Variants in SUMF1 observed in about 807,000 individuals in gnomAD.
SUMF1 encodes the protein sulfatase modifying factor 1.
In SUMF1, 48 loss-of-function variants were observed where a neutral mutation model predicts 47.6. That is an observed-to-expected ratio of 1.01 (90% confidence interval 0.80 to 1.28). The LOEUF is 1.28. Among genes scored for constraint, SUMF1 ranks in the 50% most tolerant of loss-of-function variants. The pLI is 0.00. For missense variants in SUMF1, 571 were observed against 485.4 expected, an observed-to-expected ratio of 1.18 and a Z score of -1.66; for synonymous variants, 230 against 192.1, an observed-to-expected ratio of 1.20 and a Z score of -1.63.
intron 8 of SUMF1, among the ~76,000 whole-genome samples, chr3:4,195,988 A>G (rs963629973): frequency 1.3e-5 from 2 of 152,148 alleles, no homozygotes; most frequent in Non-Finnish European, 2.9e-5. Flanking sequence ...GATACCAGAA[A>G]TTATATATAA....
chr3:4,303,237 C>A, intron 8 of SUMF1: 1 of 945,002 alleles, frequency 1.1e-6, no homozygotes, highest in Non-Finnish European at 1.5e-6. Flanking sequence ...GGAAGGGAAG[C>A]GCCTTCCAGG....
At chr3:4,370,957 C>A (rs1311274278) in intron 8 of SUMF1, among the ~76,000 whole-genome samples, 2 of 152,084 alleles carry the variant, frequency 1.3e-5, no homozygotes, top group Non-Finnish European at 2.9e-5. Context: ...AGAATTAAAC[C>A]CTAAAAAGCA....
chr3:4,122,664 T>A (rs1167057848), intron 8 of SUMF1, among the ~76,000 whole-genome samples: 1 of 152,126 alleles, frequency 6.6e-6, no homozygotes, highest in Non-Finnish European at 1.5e-5. Context: ...ATGGCAGACA[T>A]GGGATCAAGA....
At chr3:4,208,480 A>AC (rs1695702403) in intron 8 of SUMF1, among the ~76,000 whole-genome samples, 3 of 151,806 alleles carry the variant, frequency 2.0e-5, no homozygotes, top group Admixed American at 2.0e-4. Context: ...AAAAAAAAAA[A>AC]AAAACTGTGA....
chr3:4,321,470 T>TAAAAAAAAAAAGAAAAAAAA (rs1698828747), intron 8 of SUMF1, among the ~76,000 whole-genome samples: 1 of 63,734 alleles, frequency 1.6e-5, no homozygotes, highest in Non-Finnish European at 3.1e-5. Context: ...AAGGAAATGC[T>TAAAAAAAAAAAGAAAAAAAA]AAAAAAAAAA....
chr3:4,356,418 ACAGCG>A (rs1699619079), downstream of SUMF1, among the ~76,000 whole-genome samples: 1 of 306 alleles, frequency 3.3e-3, no homozygotes, highest in African/African-American at 0.014. Flanking sequence ...TTCCGTGGGG[ACAGCG>A]TGGGGACAGC....
intron 3 of SUMF1, among the ~76,000 whole-genome samples, chr3:4,439,627 T>C (rs1208404358): frequency 1.3e-5 from 2 of 152,210 alleles, no homozygotes; most frequent in Non-Finnish European, 2.9e-5. Flanking sequence ...CTTTTCCTTA[T>C]GACTTTTCCA....
Position 4,420,053 on chromosome 3 carries a change from A to G in SUMF1, c.602+11T>C, listed in dbSNP as rs1165501426. The G allele has an allele frequency of 6.2e-7, 1 of 1,613,408 alleles. No homozygotes were observed. Among genetic ancestry groups the G allele is most frequent in the Admixed American group, 1.7e-5 (1 of 60,024 alleles). ...GAACTTGTCAACTGGGGAAAGAGGG[A>G]CCAGCCTCACCTGTGCAGAATAGTA... On this transcript the variant is annotated intron_variant, in intron 4 of 8. Transcript: ENST00000272902.
intron 8 of SUMF1, among the ~76,000 whole-genome samples, chr3:4,303,135 T>C (rs1698014254): frequency 6.6e-6 from 1 of 152,136 alleles, no homozygotes; most frequent in South Asian, 2.1e-4. Flanking sequence ...CTAAAGCACC[T>C]CACTTTGTTT....
At chr3:4,403,095 C>T (rs890723524) in intron 7 of SUMF1, among the ~76,000 whole-genome samples, 2 of 152,184 alleles carry the variant, frequency 1.3e-5, no homozygotes, top group Non-Finnish European at 2.9e-5. Flanking sequence ...TGCTATCTGC[C>T]AAACATGGTG....
At chr3:4,253,990 C>A (rs940189794) in intron 8 of SUMF1, among the ~76,000 whole-genome samples, 1 of 150,942 alleles carries the variant, frequency 6.6e-6, no homozygotes, top group Non-Finnish European at 1.5e-5. Flanking sequence ...GAGGCACCCC[C>A]CAGCAAGGGC....
rs533432581 is a variant in SUMF1, at chr3:4,150,545, G to A, written c.1015-81800C>T. 1.8e-4 allele frequency among the ~76,000 whole-genome samples: 16 copies of A among 86,770 alleles called. 2 individuals are homozygous for A. Among genetic ancestry groups the A allele is most frequent in the South Asian group, 8.7e-4 (3 of 3,464 alleles). 56.9% of individuals were successfully genotyped at this position (86,770 alleles called of 152,430 possible). ...CCACTGCACTCCAGAGTGAGACTCC[G>A]TCTCAAAAAAAAAAAAATGTGTAGA... On this transcript the variant is annotated intron_variant and NMD_transcript_variant, in intron 8 of 12. Coordinates refer to the SUMF1 transcript ENST00000448413.
At chr3:4,128,340 G>A (rs1693706334) in intron 8 of SUMF1, among the ~76,000 whole-genome samples, 1 of 152,082 alleles carries the variant, frequency 6.6e-6, no homozygotes, top group African/African-American at 2.4e-5. Context: ...TGTGTAGGAG[G>A]ACCCTGATGA....
At chr3:4,262,152 C>G (rs770905724) in intron 8 of SUMF1, among the ~76,000 whole-genome samples, 1 of 152,038 alleles carries the variant, frequency 6.6e-6, no homozygotes, top group Non-Finnish European at 1.5e-5. Flanking sequence ...TGTAACTGCC[C>G]CTCCTTGTCA....
intron 8 of SUMF1, among the ~76,000 whole-genome samples, chr3:4,157,136 A>G (rs182259119): frequency 8.6e-5 from 13 of 151,548 alleles, no homozygotes; most frequent in African/African-American, 1.5e-4. Context: ...ACCCCATTTA[A>G]TTTCTTGGTG....
chr3:4,038,937 ATTAAT>A (rs1440020789), intron 9 of SUMF1, among the ~76,000 whole-genome samples: 1 of 152,222 alleles, frequency 6.6e-6, no homozygotes, highest in Non-Finnish European at 1.5e-5. Flanking sequence ...GCATAAACAG[ATTAAT>A]TTACTAACTC....
intron 8 of SUMF1, among the ~76,000 whole-genome samples, chr3:4,138,105 G>A (rs957328727): frequency 1.3e-5 from 2 of 152,024 alleles, no homozygotes; most frequent in African/African-American, 4.8e-5. Flanking sequence ...ATTTAAAAAG[G>A]TTTGGGTCTT....
intron 8 of SUMF1, among the ~76,000 whole-genome samples, chr3:4,209,592 T>A (rs2629258): frequency 0.61 from 93,001 of 151,780 alleles, 28,694 homozygotes; most frequent in South Asian, 0.71. Context: ...CCAAATTTAT[T>A]AGATCTTAGA....
intron 8 of SUMF1, among the ~76,000 whole-genome samples, chr3:4,168,620 CAA>C (rs1694763761): frequency 6.6e-6 from 1 of 152,074 alleles, no homozygotes; most frequent in South Asian, 2.1e-4. Context: ...CATTTCAATT[CAA>C]AAAGTTTTTT....
Sources: gnomAD v4.1 joint callset for allele counts (sites outside exome capture counted in the v4.1 genomes callset) on GRCh38, gnomAD v4.1.1 for gene constraint, MANE v1.5 for transcripts, NCBI Gene and HGNC (gene_info 2026-07-23, HGNC 2026-07-21) for gene names.